The following ALG1L2 variants were observed in gnomAD, a reference collection of about 807,000 sequenced individuals.
The protein encoded by ALG1L2 is ALG1 chitobiosyldiphosphodolichol beta-mannosyltransferase like 2, also known as putative glycosyltransferase ALG1L2.
Under a neutral mutation model 29.0 loss-of-function variants are expected in ALG1L2, and 32 were observed. The observed-to-expected ratio is 1.10, with a 90% CI of 0.83 to 1.48. The LOEUF is 1.48. Ranked by LOEUF, ALG1L2 falls within the 40% of genes most tolerant of loss-of-function variation. The pLI, the probability that ALG1L2 is intolerant of heterozygous loss-of-function variation, is 0.00. For synonymous variants in ALG1L2, 110 were observed against 109.5 expected (o/e 1.00, Z -0.03); for missense variants, 318 against 274.1 (o/e 1.16, Z -1.13).
rs544301585 is a variant in ALG1L2, at chr3:130,092,201, G to T, written c.232G>T (p.Val78Phe). ...TCTCCACGAGCGGCCAGCCCTGCTGGTCAGCAGCACAAGCTGGACAGGTCT... is the reference window on the plus strand; with the variant it reads ...TCTCCACGAGCGGCCAGCCCTGCTGTTCAGCAGCACAAGCTGGACAGGTCT... ...TRLHERPALL[V>F]SSTSWTEFEQ... Residue 78 changes from valine (V) to phenylalanine (F), a missense_variant, in exon 3 of 8, where the codon GTC (valine) becomes TTC (phenylalanine). Transcript: ENST00000425059. 2.5e-6 allele frequency: 4 copies of T among 1,611,460 alleles called. No homozygotes were observed. The highest frequency in any genetic ancestry group is 3.4e-6 in the Non-Finnish European group (4 of 1,179,406).
chr3:130,085,099 C>T (rs1393717271), intron 1 of ALG1L2, among the ~76,000 whole-genome samples: 2 of 128,076 alleles, frequency 1.6e-5, no homozygotes, highest in Non-Finnish European at 3.6e-5. Flanking sequence ...GCTGGGATTA[C>T]AGGTGCCCAC....
chr3:130,093,977 A>G (rs1420963663), intron 4 of ALG1L2: 1 of 247,750 alleles, frequency 4.0e-6, no homozygotes, highest in Non-Finnish European at 8.0e-6. Flanking sequence ...GCGGCTTGGA[A>G]CCCGCGCCAT....
intron 2 of ALG1L2, chr3:130,091,876 A>G (rs758772807): frequency 1.3e-6 from 1 of 783,988 alleles, no homozygotes; most frequent in Admixed American, 2.2e-5. Flanking sequence ...TCCTGTGGAG[A>G]AAAGGAATTA....
rs1234148028 is a variant in ALG1L2 at position 130,093,094 on chromosome 3, AACAC to A, written c.254-5_254-2del. The A allele has an allele frequency of 1.1e-5, 17 of 1,602,268 alleles. No homozygotes were observed. Among genetic ancestry groups the A allele is most frequent in the Non-Finnish European group, 1.4e-5 (17 of 1,177,026 alleles). On this transcript the variant is annotated splice_region_variant and splice_polypyrimidine_tract_variant and intron_variant, in intron 3 of 7. Coordinates refer to ENST00000425059, the MANE Select transcript of ALG1L2 (RefSeq NM_001136152.1). ...CCATGTAGAATTGTTTCTTTTTTTA[AACAC>A]AGAGTTTGAACAACTGACTCTTGAC...
chr3:130,090,022 A>G (rs182985287), intron 1 of ALG1L2, among the ~76,000 whole-genome samples: 2,517 of 149,412 alleles, frequency 0.017, no homozygotes, highest in East Asian at 0.13. Context: ...AGCCTGGGGG[A>G]CAAAAGTGAA....
intron 5 of ALG1L2, among the ~76,000 whole-genome samples, chr3:130,095,410 TTA>T (rs1559788670): frequency 0.047 from 3,783 of 80,820 alleles, 79 homozygotes; most frequent in Non-Finnish European, 0.058. Flanking sequence ...GTGCTGTGGT[TTA>T]TTATTATTAT....
chr3:130,094,410 G>A lies in ALG1L2; in HGVS notation c.321G>A (p.Gly107=). The change falls in exon 5 of 8, where the codon GGG becomes GGA. Residue 107 remains glycine, a synonymous_variant. Transcript: ENST00000425059. ...CTGCTCTTCTCTGTGAAGGCAAAGG[G>A]CCTCTGAGGGAGTATTACAGCCGCC... ...PSLVCVITGK[G]PLREYYSRLI... is the part of the protein sequence containing the mutation. 1 of 1,595,680 alleles carries A rather than the reference G, an allele frequency of 6.3e-7. No homozygotes were observed. Among genetic ancestry groups the A allele is most frequent in the Non-Finnish European group, 8.5e-7 (1 of 1,179,064 alleles).
chr3:130,091,399 T>A lies in ALG1L2; in HGVS notation c.131+28T>A, dbSNP rs763557941. 4.4e-6 allele frequency: 7 copies of A among 1,586,364 alleles called. No homozygotes were observed. The Admixed American group carries it at 1.2e-4, about 27-fold the overall frequency. ...AGGCCTCCCACCCTCAGCTGCCTTC[T>A]CTCCTGCTCGCCACTGCCCTGGCCT... On this transcript the variant is annotated intron_variant, in intron 2 of 7. Coordinates refer to ENST00000425059, the MANE Select transcript of ALG1L2 (RefSeq NM_001136152.1).
intron 1 of ALG1L2, among the ~76,000 whole-genome samples, chr3:130,089,972 G>A (rs74759264): frequency 2.6e-5 from 4 of 151,066 alleles, no homozygotes; most frequent in East Asian, 1.9e-4. Flanking sequence ...ATTCCTGGAG[G>A]CAGAAGTAGC....
At chr3:130,082,160 A>G in intron 1 of ALG1L2, 124 bp downstream of exon 1, 1 of 1,213,674 alleles carries the variant, frequency 8.2e-7, no homozygotes, top group Non-Finnish European at 1.2e-6. Flanking sequence ...AGTAGAAATG[A>G]GGAAGGTGCC....
rs1236492476 is a variant in ALG1L2, at chr3:130,097,238, A to G, written c.603A>G (p.Ala201=). 1.9e-6 allele frequency: 3 copies of G among 1,609,648 alleles called. No homozygotes were observed. Among genetic ancestry groups the G allele is most frequent in the Non-Finnish European group, 2.5e-6 (3 of 1,179,824 alleles). ...RLVFEDSEEL[A]AQLQYFADAF... ...TCTTTGAGGACTCAGAGGAACTGGCAGCTCAGCTGCAGGTAGCCATGTCTG... is the reference window on the plus strand; with the variant it reads ...TCTTTGAGGACTCAGAGGAACTGGCGGCTCAGCTGCAGGTAGCCATGTCTG... Residue 201 remains alanine (A), a synonymous_variant, in exon 7 of 8, where the codon GCA becomes GCG. Coordinates refer to ENST00000425059, the MANE Select transcript of ALG1L2 (RefSeq NM_001136152.1).
At chr3:130,095,774 C>A (rs1397954462) in intron 5 of ALG1L2, among the ~76,000 whole-genome samples, 2 of 152,116 alleles carry the variant, frequency 1.3e-5, no homozygotes, top group African/African-American at 4.8e-5. Context: ...TGTGCCACTG[C>A]ACTCCAGCCT....
At chr3:130,084,565 A>T (rs111930625) in intron 1 of ALG1L2, among the ~76,000 whole-genome samples, 3,265 of 86,420 alleles carry the variant, frequency 0.038, 24 homozygotes, top group Middle Eastern at 0.1. Flanking sequence ...GCGGGGCGGT[A>T]GTGGTGAAGA....
intron 1 of ALG1L2, among the ~76,000 whole-genome samples, chr3:130,083,705 G>T: frequency 7.1e-6 from 1 of 140,340 alleles, no homozygotes; most frequent in Non-Finnish European, 1.6e-5. Context: ...AAAGCATCAT[G>T]ATAAATTGAG....
chr3:130,096,062 G>C lies in ALG1L2; in HGVS notation c.438G>C (p.Leu146=). Residue 146 remains leucine (L), a synonymous_variant, in exon 6 of 8, where the codon CTG becomes CTC. Transcript: ENST00000425059. ...CTTGCCTAGCAGGGTCGGTGGACCT[G>C]GATGTCTGTCTGGACACGTCCTCCA... The part of the protein sequence containing the change: ...GLPPLLGSVD[L]DVCLDTSSSG... 1 of 1,607,758 alleles carries C rather than the reference G, an allele frequency of 6.2e-7. No individual in the cohort carries two copies. Among genetic ancestry groups the C allele is most frequent in the Non-Finnish European group, 8.5e-7 (1 of 1,178,526 alleles).
At chr3:130,092,276 C>A in intron 3 of ALG1L2, 54 bp downstream of exon 3, 8 of 1,587,870 alleles carry the variant, frequency 5.0e-6, no homozygotes, top group South Asian at 2.3e-5. Context: ...CCTGGCCAAC[C>A]TGTATTCTCC....
chr3:130,087,682 C>T (rs1291553904), intron 1 of ALG1L2, among the ~76,000 whole-genome samples: 7 of 130,790 alleles, frequency 5.4e-5, no homozygotes, highest in South Asian at 2.4e-4. Flanking sequence ...GGAATCTCAG[C>T]GAAGGGTATA....
intron 1 of ALG1L2, 83 bp from the exon 2 acceptor site, chr3:130,091,178 C>T (rs570839495): frequency 1.2e-5 from 16 of 1,307,670 alleles, no homozygotes; most frequent in Non-Finnish European, 1.3e-5. Flanking sequence ...TGACGTTGGG[C>T]ATGGAACCCA....
chr3:130,086,429 G>A (rs1368813888), intron 1 of ALG1L2, among the ~76,000 whole-genome samples: 1 of 149,732 alleles, frequency 6.7e-6, no homozygotes, highest in South Asian at 2.1e-4. Context: ...CACTTTGGGA[G>A]GCCAAGGCGG....
Sources: gnomAD v4.1 joint callset for allele counts (sites outside exome capture counted in the v4.1 genomes callset) on GRCh38, gnomAD v4.1.1 for gene constraint, MANE v1.5 for transcripts, NCBI Gene and HGNC (gene_info 2026-07-23, HGNC 2026-07-21) for gene names.